Variants in DNAJC1 observed in about 807,000 individuals in gnomAD.
The protein encoded by DNAJC1 is dnaJ homolog subfamily C member 1.
Under a neutral mutation model 76.6 loss-of-function variants are expected in DNAJC1, and 58 were observed. That is an observed-to-expected ratio of 0.76 (90% CI 0.61 to 0.94). The LOEUF (loss-of-function observed/expected upper bound fraction) is 0.94, where lower values mean the gene tolerates loss of function less well. Ranked by LOEUF, DNAJC1 falls within the 40% of genes least tolerant of loss-of-function variation. The pLI, the probability that DNAJC1 is intolerant of heterozygous loss-of-function variation, is 0.00. For synonymous variants in DNAJC1, 258 were observed against 267.9 expected (o/e 0.96, Z 0.36); for missense variants, 689 against 677.3 (o/e 1.02, Z -0.19).
At chr10:21,970,923 G>C (rs1837966597) in intron 1 of DNAJC1, among the ~76,000 whole-genome samples, 1 of 151,818 alleles carries the variant, frequency 6.6e-6, no homozygotes, top group South Asian at 2.1e-4. Context: ...TTGAGGTCTA[G>C]TTGACAGTTA....
intron 9 of DNAJC1, among the ~76,000 whole-genome samples, chr10:21,794,101 T>C (rs941919496): frequency 2.0e-5 from 3 of 152,010 alleles, no homozygotes; most frequent in Non-Finnish European, 4.4e-5. Flanking sequence ...ATAGTGAGAT[T>C]CCATCTTCAC....
chr10:21,887,052 C>T (rs188858658), intron 7 of DNAJC1, among the ~76,000 whole-genome samples: 158 of 152,146 alleles, frequency 1.0e-3, no homozygotes, highest in Admixed American at 2.3e-3. Context: ...TTTCAGGATA[C>T]AAATCAATGT....
intron 7 of DNAJC1, among the ~76,000 whole-genome samples, chr10:21,903,873 T>C (rs927302138): frequency 3.3e-5 from 5 of 152,236 alleles, no homozygotes; most frequent in African/African-American, 4.8e-5. Flanking sequence ...TAGTATTAAG[T>C]GCTTGGAATA....
chr10:21,926,659 C>G (rs1837133799), intron 3 of DNAJC1, among the ~76,000 whole-genome samples: 1 of 152,130 alleles, frequency 6.6e-6, no homozygotes, highest in Admixed American at 6.5e-5. Context: ...TGGCCTCAGG[C>G]ACAAGCTTTA....
At chr10:21,856,944 C>G (rs1463287675) in intron 8 of DNAJC1, among the ~76,000 whole-genome samples, 2 of 152,070 alleles carry the variant, frequency 1.3e-5, no homozygotes, top group Non-Finnish European at 2.9e-5. Context: ...CCATGCAGAT[C>G]AGGCTGGTCT....
chr10:21,989,561 T>G (rs954634064), intron 1 of DNAJC1, among the ~76,000 whole-genome samples: 1 of 152,118 alleles, frequency 6.6e-6, no homozygotes, highest in Admixed American at 6.6e-5. Flanking sequence ...ACAGCCAGGC[T>G]TGCTGCTTGA....
At chr10:21,879,190 A>G (rs1836232485) in intron 8 of DNAJC1, among the ~76,000 whole-genome samples, 1 of 152,176 alleles carries the variant, frequency 6.6e-6, no homozygotes, top group African/African-American at 2.4e-5. Context: ...AACTTGCATC[A>G]CCTGTGATAG....
chr10:21,816,010 C>G (rs960825125), intron 8 of DNAJC1, among the ~76,000 whole-genome samples: 7 of 151,538 alleles, frequency 4.6e-5, no homozygotes, highest in African/African-American at 1.7e-4. Flanking sequence ...TCCCAAAGTG[C>G]TGGGATTACA....
chr10:21,794,113 C>CA (rs1834724766), intron 9 of DNAJC1, among the ~76,000 whole-genome samples: 1 of 151,578 alleles, frequency 6.6e-6, no homozygotes, highest in Admixed American at 6.6e-5. Flanking sequence ...CATCTTCACA[C>CA]AAAAAAACTA....
At chr10:21,980,141 A>G (rs932596863) in intron 1 of DNAJC1, among the ~76,000 whole-genome samples, 3 of 152,134 alleles carry the variant, frequency 2.0e-5, no homozygotes, top group Non-Finnish European at 2.9e-5. Context: ...AACAAGTGCT[A>G]GAAATGGCAG....
chr10:21,836,394 C>T (rs1835454070), intron 8 of DNAJC1, among the ~76,000 whole-genome samples: 1 of 152,166 alleles, frequency 6.6e-6, no homozygotes. Context: ...TAAAGACCAT[C>T]AAGGCTAGGA....
chr10:21,766,933 G>T (rs1216019247), intron 9 of DNAJC1, among the ~76,000 whole-genome samples: 1 of 142,434 alleles, frequency 7.0e-6, no homozygotes, highest in Non-Finnish European at 1.5e-5. Flanking sequence ...TTGCACCACT[G>T]CACTCCAGCC....
intron 7 of DNAJC1, among the ~76,000 whole-genome samples, chr10:21,896,577 T>C (rs1836546986): frequency 1.3e-5 from 2 of 152,226 alleles, no homozygotes; most frequent in African/African-American, 2.4e-5. Context: ...TCAGAATGAA[T>C]TGTACACCTT....
intron 8 of DNAJC1, among the ~76,000 whole-genome samples, chr10:21,813,985 T>A (rs1030376252): frequency 6.6e-6 from 1 of 152,196 alleles, no homozygotes; most frequent in African/African-American, 2.4e-5. Flanking sequence ...CATGAAACTG[T>A]AGCAGGCTAC....
intron 9 of DNAJC1, among the ~76,000 whole-genome samples, chr10:21,777,427 T>C (rs902711630): frequency 3.3e-5 from 5 of 152,248 alleles, no homozygotes; most frequent in African/African-American, 1.2e-4. Flanking sequence ...TAATGAGTCC[T>C]TGGATATTTC....
intron 1 of DNAJC1, among the ~76,000 whole-genome samples, chr10:21,940,173 C>T (rs1837382954): frequency 6.6e-6 from 1 of 151,878 alleles, no homozygotes; most frequent in African/African-American, 2.4e-5. Flanking sequence ...AAAGAAAATG[C>T]TTTAGAAATA....
chr10:21,789,576 C>T (rs1834655010), intron 9 of DNAJC1, among the ~76,000 whole-genome samples: 1 of 151,706 alleles, frequency 6.6e-6, no homozygotes, highest in Non-Finnish European at 1.5e-5. Flanking sequence ...AGGAAACTCA[C>T]CAAGATATAA....
At chr10:21,935,677 G>C (rs1837300756) in intron 1 of DNAJC1, among the ~76,000 whole-genome samples, 1 of 151,952 alleles carries the variant, frequency 6.6e-6, no homozygotes, top group Non-Finnish European at 1.5e-5. Flanking sequence ...TCCACACCTA[G>C]AAACATTAGA....
intron 8 of DNAJC1, among the ~76,000 whole-genome samples, chr10:21,809,052 T>C (rs1262215307): frequency 6.6e-6 from 1 of 152,192 alleles, no homozygotes; most frequent in African/African-American, 2.4e-5. Context: ...TCCCAAATCA[T>C]GTACCTTTGG....
Sources: allele counts gnomAD v4.1 joint callset (sites outside exome capture counted in the v4.1 genomes callset), GRCh38; gene constraint gnomAD v4.1.1; transcripts MANE v1.5; gene names NCBI Gene and HGNC (gene_info 2026-07-23, HGNC 2026-07-21).